The following OSBPL2 variants were observed in gnomAD, a reference collection of about 807,000 sequenced individuals.
OSBPL2 encodes the protein oxysterol binding protein like 2.
A neutral mutation model predicts 58.4 loss-of-function variants in OSBPL2; 18 were observed. The ratio of observed to expected loss-of-function variants is 0.31; its 90% CI spans 0.21 to 0.46. The LOEUF (loss-of-function observed/expected upper bound fraction) is 0.46. Ranked by LOEUF, OSBPL2 falls within the 20% of genes least tolerant of loss-of-function variation. The pLI is 1.00. For missense variants in OSBPL2, 461 were observed against 616.5 expected, an observed-to-expected ratio of 0.75 and a Z score of 2.67; for synonymous variants, 221 against 234.1, an observed-to-expected ratio of 0.94 and a Z score of 0.51.
At chr20:62,240,517 G>A (rs1979659470) in intron 1 of OSBPL2, among the ~76,000 whole-genome samples, 1 of 152,192 alleles carries the variant, frequency 6.6e-6, no homozygotes, top group African/African-American at 2.4e-5. Context: ...TCATTCATGA[G>A]GAAGCTAAGG....
At chr20:62,283,992 A>T (rs937450598) in intron 9 of OSBPL2, 54 bp from the exon 10 acceptor site, 1 of 1,560,536 alleles carries the variant, frequency 6.4e-7, no homozygotes, top group Non-Finnish European at 8.7e-7. Flanking sequence ...ACATGTTTAG[A>T]CAAATGGTTT....
intron 1 of OSBPL2, among the ~76,000 whole-genome samples, chr20:62,241,394 G>A (rs1428994685): frequency 2.6e-5 from 4 of 152,180 alleles, no homozygotes; most frequent in African/African-American, 7.2e-5. Context: ...AAGCTTGCTC[G>A]ACTTTTAAAG....
chr20:62,290,411 GTTTTTTTTT>G (rs3065795), intron 12 of OSBPL2, among the ~76,000 whole-genome samples: 2 of 76,378 alleles, frequency 2.6e-5, no homozygotes, highest in Non-Finnish European at 4.5e-5. Context: ...AATTTTTTGG[GTTTTTTTTT>G]TTTTTTTTTT....
chr20:62,268,912 C>G (rs755451772), intron 4 of OSBPL2, among the ~76,000 whole-genome samples: 16 of 152,042 alleles, frequency 1.1e-4, no homozygotes, highest in Non-Finnish European at 1.8e-4. Context: ...AAAAAATTAG[C>G]CGGGTGTGGC....
intron 13 of OSBPL2, among the ~76,000 whole-genome samples, chr20:62,292,923 A>G (rs531746665): frequency 1.3e-5 from 2 of 149,622 alleles, no homozygotes; most frequent in Admixed American, 6.7e-5. Context: ...GCTGGAGTGC[A>G]GTGGCGTGAT....
Position 62,269,944 on chromosome 20 carries a change from C to T in OSBPL2, c.259-2181C>T, listed in dbSNP as rs1201918092. On this transcript the variant is annotated intron_variant, in intron 4 of 13. Coordinates refer to ENST00000313733, the MANE Select transcript of OSBPL2 (RefSeq NM_144498.4). The surrounding 1 kb of genome is among the most constrained non-coding windows in gnomAD (Gnocchi z 4.2). ...CAGTGCCATCTGGGGCCTGCTCGCC[C>T]CTGCAGCAGCCTGAGCCGCAGGCTC... 6.6e-6 allele frequency among the ~76,000 whole-genome samples: 1 copy of T among 152,240 alleles called. No individual in the cohort carries two copies. The highest frequency in any genetic ancestry group is 1.5e-5 in the Non-Finnish European group (1 of 68,036).
intron 1 of OSBPL2, 102 bp downstream of exon 1, chr20:62,238,699 C>T (rs1168145483): frequency 3.5e-5 from 2 of 56,672 alleles, no homozygotes; most frequent in African/African-American, 1.6e-4. Context: ...GAGGGGAGGG[C>T]GGGCCGGGCA....
rs779462996 is a variant in OSBPL2 at position 62,279,179 on chromosome 20, A to G, written c.514A>G (p.Ile172Val). 3 of 1,612,446 alleles carry G rather than the reference A, an allele frequency of 1.9e-6. No homozygotes were observed. The highest frequency in any genetic ancestry group is 2.5e-6 in the Non-Finnish European group (3 of 1,179,328). The change falls in exon 7 of 14, where the codon ATA becomes GTA. Residue 172 changes from isoleucine to valine, a missense_variant. Physicochemically the swap from Ile to Val is conservative, Grantham distance 29 (BLOSUM62 3). Coordinates refer to ENST00000313733, the MANE Select transcript of OSBPL2 (RefSeq NM_144498.4). ...TAGGGAAGATTTAGGATTCAGATTTATATCGGAACAGGTCAGTCACCACCC... is the reference window on the plus strand; with the variant it reads ...TAGGGAAGATTTAGGATTCAGATTTGTATCGGAACAGGTCAGTCACCACCC... ...LIREDLGFRF[I>V]SEQVSHHPPI...
intron 12 of OSBPL2, among the ~76,000 whole-genome samples, chr20:62,290,722 GT>G (rs1285832751): frequency 2.2e-4 from 31 of 138,694 alleles, no homozygotes; most frequent in South Asian, 7.0e-4. Flanking sequence ...GCCTGGCCAG[GT>G]TTTTTTTTTT....
chr20:62,284,290 T>C, intron 10 of OSBPL2, 121 bp downstream of exon 10: 1 of 1,108,836 alleles, frequency 9.0e-7, no homozygotes, highest in Middle Eastern at 2.0e-4. Context: ...CCAGGAGAGA[T>C]GAATGTGCAG....
intron 1 of OSBPL2, among the ~76,000 whole-genome samples, chr20:62,245,165 C>A (rs1433255795): frequency 6.6e-6 from 1 of 151,080 alleles, no homozygotes; most frequent in Non-Finnish European, 1.5e-5. Context: ...GTGGCGCGAT[C>A]TCGGCTCACT....
intron 3 of OSBPL2, among the ~76,000 whole-genome samples, chr20:62,261,954 C>T (rs62204468): frequency 0.43 from 64,948 of 151,910 alleles, 14,320 homozygotes; most frequent in East Asian, 0.54. Context: ...CGACAGGGTT[C>T]CGCCGTGTTG....
At chr20:62,243,897 G>T (rs1979913471) in intron 1 of OSBPL2, among the ~76,000 whole-genome samples, 1 of 151,502 alleles carries the variant, frequency 6.6e-6, no homozygotes, top group Non-Finnish European at 1.5e-5. Flanking sequence ...GTTAGAGATT[G>T]GTGGTTTTCC....
chr20:62,284,344 C>A, intron 10 of OSBPL2, 175 bp downstream of exon 10: 2 of 654,024 alleles, frequency 3.1e-6, no homozygotes, highest in Non-Finnish European at 5.3e-6. Context: ...GTTCCAGTAT[C>A]AGTGAGGGGG....
At chr20:62,263,994 G>A (rs1270270458) in intron 4 of OSBPL2, among the ~76,000 whole-genome samples, 1 of 151,088 alleles carries the variant, frequency 6.6e-6, no homozygotes, top group East Asian at 1.9e-4. Flanking sequence ...GAACCCAGGA[G>A]GCGGAGGTTG....
rs879079449 is a variant in OSBPL2, at chr20:62,263,793, C to T, written c.258+102C>T. On this transcript the variant is annotated intron_variant, in intron 4 of 13. Transcript: ENST00000313733. ...AAGAAAATGCGCTCTTGGCCGGGCG[C>T]GGTGGCTCACGCCTATAATCTCAGC... 6.7e-5 allele frequency: 68 copies of T among 1,012,384 alleles called. No homozygotes were observed. In the Middle Eastern group the frequency reaches 1.2e-3, roughly 17 times the overall value. 62.7% of individuals were successfully genotyped at this position (1,012,384 alleles called of 1,614,324 possible).
intron 12 of OSBPL2, among the ~76,000 whole-genome samples, chr20:62,291,077 G>A (rs1306430964): frequency 2.0e-5 from 3 of 152,244 alleles, no homozygotes; most frequent in Middle Eastern, 3.4e-3. Context: ...TGCCCGGGCT[G>A]GTTGCCAACT....
chr20:62,260,545 G>A (rs1333886316), intron 3 of OSBPL2, among the ~76,000 whole-genome samples: 2 of 152,190 alleles, frequency 1.3e-5, no homozygotes, highest in African/African-American at 4.8e-5. Context: ...CTGTCTCAGC[G>A]GAGTTCTATT....
At chr20:62,240,710 T>G (rs1380746820) in intron 1 of OSBPL2, among the ~76,000 whole-genome samples, 1 of 152,252 alleles carries the variant, frequency 6.6e-6, no homozygotes, top group Non-Finnish European at 1.5e-5. Context: ...TGTGTCAGAA[T>G]TTCGGGATTT....
Sources: gnomAD v4.1 joint callset for allele counts (sites outside exome capture counted in the v4.1 genomes callset) on GRCh38, gnomAD v4.1.1 for gene constraint, Gnocchi (gnomAD v3.1) non-coding constraint, MANE v1.5 for transcripts, NCBI Gene and HGNC (gene_info 2026-07-23, HGNC 2026-07-21) for gene names.